The following DMD variants were observed in gnomAD, a reference collection of about 807,000 sequenced individuals.
The protein encoded by DMD is dystrophin.
DMD carries 63 observed loss-of-function variants against 330.1 expected under a neutral mutation model. The observed-to-expected ratio is 0.19, with a 90% confidence interval of 0.16 to 0.24. DMD has a LOEUF of 0.24. Among genes scored for constraint, DMD ranks in the 10% least tolerant of loss-of-function variants. The pLI is 1.00. For missense variants in DMD, 3,344 were observed against 2,684.1 expected, an observed-to-expected ratio of 1.25 and a Z score of -5.43; for synonymous variants, 1,223 against 959.8, an observed-to-expected ratio of 1.27 and a Z score of -5.07.
rs201785247 is a variant in DMD at position 33,112,966 on chromosome X, AT to A, written c.32-92767del. On this transcript the variant is annotated intron_variant, in intron 1 of 78. Transcript: ENST00000357033. ...ACTCCATCTCAAAAAAATAAATAAAATAAATAAAGTAAAAATATTAATTGCA... is the reference window on the plus strand; with the variant it reads ...ACTCCATCTCAAAAAAATAAATAAAAAAATAAAGTAAAAATATTAATTGCA... Among the ~76,000 whole-genome samples, 251 of 110,171 alleles carry A rather than the reference AT, an allele frequency of 2.3e-3. 2 individuals are homozygous for A. Among genetic ancestry groups the A allele is most frequent in the African/African-American group, 7.9e-3 (240 of 30,378 alleles).
At chrX:33,034,007 T>C (rs1023627838) in intron 1 of DMD, among the ~76,000 whole-genome samples, 2 of 111,622 alleles carry the variant, frequency 1.8e-5, no homozygotes, top group Non-Finnish European at 3.8e-5. Context: ...CTTTCCTCTA[T>C]AGCCAATTTA....
At chrX:31,889,479 A>C (rs938309211) in intron 47 of DMD, among the ~76,000 whole-genome samples, 1 of 110,300 alleles carries the variant, frequency 9.1e-6, no homozygotes, top group East Asian at 2.8e-4. Context: ...TCTAAAATGG[A>C]TTTTATAGGG....
At chrX:32,832,879 T>C (rs1366712846) in intron 4 of DMD, among the ~76,000 whole-genome samples, 1 of 111,586 alleles carries the variant, frequency 9.0e-6, no homozygotes, top group African/African-American at 3.2e-5. Flanking sequence ...CAATGACAGC[T>C]TTTTATTCCC....
intron 1 of DMD, among the ~76,000 whole-genome samples, chrX:33,055,749 T>C (rs979104491): frequency 4.5e-5 from 5 of 111,628 alleles, no homozygotes; most frequent in East Asian, 2.8e-4. Context: ...CACCGTGTTT[T>C]ATAGTCTGAC....
rs2075961299 is a variant in DMD at position 31,574,055 on chromosome X, T to TA, written c.8217+53617dup. Among the ~76,000 whole-genome samples the TA allele has an allele frequency of 5.4e-5, 6 of 110,206 alleles. No individual in the cohort carries two copies. The Admixed American group carries it at 5.8e-4, about 11-fold the overall frequency. The stretch of plus-strand genomic sequence containing the variant: ...TCACACAGTTTGAAAGTGACATAGC[T>TA]AGTGTTCAGAAACAGAGTCTACACT... On this transcript the variant is annotated intron_variant, in intron 55 of 78. Transcript: ENST00000357033.
chrX:33,179,693 C>CAAAA (rs758474479), intron 1 of DMD, among the ~76,000 whole-genome samples: 131 of 63,167 alleles, frequency 2.1e-3, no homozygotes, highest in African/African-American at 5.7e-3. Context: ...GACTCCGTCT[C>CAAAA]AAAAAAAAAA....
intron 1 of DMD, among the ~76,000 whole-genome samples, chrX:33,036,413 T>C (rs774697820): frequency 3.6e-5 from 4 of 111,378 alleles, no homozygotes; most frequent in South Asian, 3.7e-4. Context: ...TCTAGAAGCA[T>C]TGTCTTCTTT....
chrX:31,275,348 A>G (rs2052025402), intron 62 of DMD, among the ~76,000 whole-genome samples: 1 of 111,533 alleles, frequency 9.0e-6, no homozygotes, highest in Non-Finnish European at 1.9e-5. Flanking sequence ...TAGGAATTCA[A>G]AAATGTATTT....
chrX:31,500,468 C>G (rs185838655), intron 56 of DMD, among the ~76,000 whole-genome samples: 2 of 112,454 alleles, frequency 1.8e-5, no homozygotes, highest in African/African-American at 6.5e-5. Flanking sequence ...TTTTGAAGAT[C>G]TAAATGTAAG....
chrX:32,790,938 A>G (rs745923942), intron 7 of DMD, among the ~76,000 whole-genome samples: 1 of 111,147 alleles, frequency 9.0e-6, no homozygotes, highest in South Asian at 3.8e-4. Context: ...GGTTGCATGC[A>G]CCACCAGGAG....
intron 7 of DMD, among the ~76,000 whole-genome samples, chrX:32,801,111 C>T (rs2076533608): frequency 9.0e-6 from 1 of 111,557 alleles, no homozygotes; most frequent in African/African-American, 3.3e-5. Context: ...ACACTGTCTT[C>T]CACAATGTTT....
At chrX:33,303,751 G>A (rs985659123) in intron 1 of DMD, among the ~76,000 whole-genome samples, 32 of 111,594 alleles carry the variant, frequency 2.9e-4, no homozygotes, top group Non-Finnish European at 5.6e-4. Context: ...GGATGTGTTT[G>A]CTTCCCCTTC....
At chrX:31,237,634 C>T (rs993232397) in intron 63 of DMD, among the ~76,000 whole-genome samples, 18 of 112,488 alleles carry the variant, frequency 1.6e-4, no homozygotes, top group Middle Eastern at 9.2e-3. Flanking sequence ...ATGCCTGAAG[C>T]GTTCCTGTTT....
chrX:33,123,011 T>C (rs2095434458), intron 1 of DMD, among the ~76,000 whole-genome samples: 1 of 112,431 alleles, frequency 8.9e-6, no homozygotes, highest in Non-Finnish European at 1.9e-5. Context: ...AGTGGTCCCA[T>C]TTGATTATAA....
chrX:31,843,099 ATT>A (rs1457931774), intron 48 of DMD, among the ~76,000 whole-genome samples: 2 of 111,836 alleles, frequency 1.8e-5, no homozygotes, highest in Non-Finnish European at 3.8e-5. Flanking sequence ...TGTGTACCAC[ATT>A]TTCTTCATCC....
intron 74 of DMD, among the ~76,000 whole-genome samples, chrX:31,166,978 G>A (rs1357858761): frequency 9.0e-6 from 1 of 111,671 alleles, no homozygotes; most frequent in Non-Finnish European, 1.9e-5. Flanking sequence ...CTTGGAGAAT[G>A]GTCTTGGATA....
At chrX:31,865,976 G>A (rs1042268363) in intron 48 of DMD, among the ~76,000 whole-genome samples, 1 of 110,779 alleles carries the variant, frequency 9.0e-6, no homozygotes, top group Non-Finnish European at 1.9e-5. Context: ...CTGATTAGAT[G>A]CTTCACCTCT....
intron 43 of DMD, among the ~76,000 whole-genome samples, chrX:32,250,128 T>C (rs1201737873): frequency 9.0e-6 from 1 of 111,705 alleles, no homozygotes; most frequent in African/African-American, 3.3e-5. Context: ...TATAGTTTTA[T>C]AGAATCTTCT....
At chrX:33,172,805 T>G (rs969411101) in intron 1 of DMD, among the ~76,000 whole-genome samples, 2 of 111,861 alleles carry the variant, frequency 1.8e-5, no homozygotes, top group East Asian at 5.6e-4. Flanking sequence ...GTACATGCAC[T>G]TGTATACAAA....
Sources: allele counts gnomAD v4.1 joint callset (sites outside exome capture counted in the v4.1 genomes callset), GRCh38; gene constraint gnomAD v4.1.1; transcripts MANE v1.5; gene names NCBI Gene and HGNC (gene_info 2026-07-23, HGNC 2026-07-21).